The following TBCD variants were observed in gnomAD, a reference collection of about 807,000 sequenced individuals.
The protein encoded by TBCD is tubulin folding cofactor D.
Under a neutral mutation model 169.3 loss-of-function variants are expected in TBCD, and 105 were observed. That is an observed-to-expected ratio of 0.62 (90% CI 0.53 to 0.73). The LOEUF (loss-of-function observed/expected upper bound fraction) is 0.73, where lower values mean the gene tolerates loss of function less well. Among genes scored for constraint, TBCD ranks in the 30% least tolerant of loss-of-function variants. The probability of loss-of-function intolerance (pLI) is 0.00; values close to 1 mark genes in which losing one functional copy is unlikely to be tolerated. For synonymous variants in TBCD, 700 were observed against 643.9 expected (o/e 1.09, Z -1.32); for missense variants, 1,444 against 1,600.1 (o/e 0.90, Z 1.66).
At chr17:82,814,735 A>T (rs901722015) in intron 12 of TBCD, 105 bp from the exon 13 acceptor site, 16 of 1,079,840 alleles carry the variant, frequency 1.5e-5, no homozygotes, top group Non-Finnish European at 1.7e-5. Flanking sequence ...TGAGCCTTAC[A>T]GGCAGAGGAT....
intron 29 of TBCD, 60 bp from the exon 30 acceptor site, chr17:82,927,845 G>A: frequency 1.3e-6 from 2 of 1,499,264 alleles, no homozygotes; most frequent in Admixed American, 1.7e-5. Context: ...GTGGTGGGCA[G>A]AACCAGGGTT....
At chr17:82,819,322 G>C (rs2052207780) in intron 13 of TBCD, among the ~76,000 whole-genome samples, 1 of 152,090 alleles carries the variant, frequency 6.6e-6, no homozygotes, top group African/African-American at 2.4e-5. Flanking sequence ...CTGGACTCAG[G>C]AAAAAAGCAT....
intron 23 of TBCD, among the ~76,000 whole-genome samples, chr17:82,914,619 C>T (rs6502014): frequency 1.3e-5 from 2 of 152,192 alleles, no homozygotes; most frequent in Admixed American, 6.5e-5. Context: ...CCATGCTGCC[C>T]ACGCCCTCCC....
In TBCD at chr17:82,923,709, G is replaced by C. The variant is rs377517399; in HGVS notation, c.2236G>C (p.Gly746Arg). ...CAGTGAATATTACATGAAGGAGCCG[G>C]GGGAGGCAGATCCCGCAATTCAGGG... ...LCSEYYMKEPGEADPAIQEEL... is the reference protein window; with the variant it reads ...LCSEYYMKEPREADPAIQEEL... Residue 746 changes from glycine (G) to arginine (R), a missense_variant, in exon 26 of 39, where the codon GGG becomes CGG. Gly to Arg is a moderately radical substitution (Grantham distance 125). Transcript: ENST00000355528. This position sits in a 1 kb window ranked among gnomAD's most constrained non-coding sequence, Gnocchi z 4.6. 1 of 1,599,780 alleles carries C rather than the reference G, an allele frequency of 6.3e-7. No individual in the cohort carries two copies. The highest frequency in any genetic ancestry group is 1.3e-5 in the African/African-American group (1 of 74,810).
At chr17:82,885,617 A>T (rs2058664000) in intron 15 of TBCD, among the ~76,000 whole-genome samples, 1 of 152,164 alleles carries the variant, frequency 6.6e-6, no homozygotes, top group Non-Finnish European at 1.5e-5. Flanking sequence ...TTGAAATATA[A>T]TACAATTTTA....
chr17:82,941,389 C>T lies in TBCD; in HGVS notation c.3480-10C>T, dbSNP rs369875174. 3.8e-6 allele frequency: 6 copies of T among 1,581,876 alleles called. No individual in the cohort carries two copies. The African/African-American group carries it at 4.0e-5, about 11-fold the overall frequency. ...ACTCGAGAGACTCACGGCTCTCCCT[C>T]TCCTCACAGGGACGCGGAGCTTGCA... On this transcript the variant is annotated splice_polypyrimidine_tract_variant and intron_variant, in intron 37 of 38. Transcript: ENST00000355528.
At chr17:82,860,301 G>C in intron 13 of TBCD, 1 of 925,606 alleles carries the variant, frequency 1.1e-6, no homozygotes, top group Non-Finnish European at 1.3e-6. Flanking sequence ...CCTGCATGGC[G>C]GTCACGCTGC....
chr17:82,774,474 T>G (rs1457202196), intron 6 of TBCD, among the ~76,000 whole-genome samples: 2 of 152,224 alleles, frequency 1.3e-5, no homozygotes, highest in Non-Finnish European at 2.9e-5. Flanking sequence ...AGTAACAAAC[T>G]GATGTCTCTT....
intron 14 of TBCD, among the ~76,000 whole-genome samples, chr17:82,871,144 C>G (rs547355289): frequency 6.6e-6 from 1 of 151,020 alleles, no homozygotes; most frequent in East Asian, 2.0e-4. Context: ...GCCTCGGTGT[C>G]CAGTGCGCGC....
chr17:82,826,388 T>C (rs372820294), intron 13 of TBCD, among the ~76,000 whole-genome samples: 12 of 152,292 alleles, frequency 7.9e-5, no homozygotes, highest in Non-Finnish European at 1.6e-4. Context: ...AGCTGTTTAG[T>C]TTGAGTTATC....
chr17:82,870,351 G>A lies in TBCD; in HGVS notation c.1446G>A (p.Glu482=). ...WAFARAYEPQ[E]LKPFVTAISS... Reference sequence around the variant, plus strand: ...TCGCGCGTGCCTATGAGCCTCAGGAGCTGAAGCCCTTTGTGACTGCAATCT... The same window carrying A: ...TCGCGCGTGCCTATGAGCCTCAGGAACTGAAGCCCTTTGTGACTGCAATCT... Residue 482 remains glutamate, a synonymous_variant, in exon 14 of 39, where the codon GAG becomes GAA. Transcript: ENST00000355528. The A allele has an allele frequency of 1.2e-6, 2 of 1,613,306 alleles. No individual in the cohort carries two copies. The highest frequency in any genetic ancestry group is 1.7e-6 in the Non-Finnish European group (2 of 1,179,820).
chr17:82,902,985 A>T (rs2059990525), intron 18 of TBCD, among the ~76,000 whole-genome samples: 3 of 152,166 alleles, frequency 2.0e-5, no homozygotes, highest in African/African-American at 7.2e-5. Context: ...TGTGTGTCTG[A>T]TGAGGCAGTT....
At chr17:82,906,807 A>G (rs1420552181) in intron 20 of TBCD, among the ~76,000 whole-genome samples, 2 of 152,234 alleles carry the variant, frequency 1.3e-5, no homozygotes, top group Non-Finnish European at 2.9e-5. Context: ...TCAGATGCAG[A>G]GTGCAGCTCC....
At chr17:82,855,235 CTTT>C (rs58346723) in intron 13 of TBCD, among the ~76,000 whole-genome samples, 15 of 54,026 alleles carry the variant, frequency 2.8e-4, no homozygotes, top group African/African-American at 9.8e-4. Flanking sequence ...AAGGTGTTTG[CTTT>C]TTTTTTTTTT....
At chr17:82,795,682 C>G (rs2050050017) in intron 7 of TBCD, 1 of 863,198 alleles carries the variant, frequency 1.2e-6, no homozygotes, top group Non-Finnish European at 1.4e-6. Context: ...GACAGCCGCA[C>G]TCTTGCGTGG....
intron 22 of TBCD, among the ~76,000 whole-genome samples, chr17:82,911,248 G>C (rs2060619835): frequency 6.6e-6 from 1 of 152,174 alleles, no homozygotes; most frequent in African/African-American, 2.4e-5. Context: ...CCAGAAACCA[G>C]GGTCTCAGGA....
chr17:82,924,142 C>T (rs1025202200), intron 26 of TBCD, among the ~76,000 whole-genome samples: 3 of 152,090 alleles, frequency 2.0e-5, no homozygotes, highest in Admixed American at 6.5e-5. Flanking sequence ...TTAGTAGAGA[C>T]GGGGTTTTAC....
chr17:82,940,213 G>A (rs1177649699), intron 37 of TBCD, among the ~76,000 whole-genome samples: 35 of 34,380 alleles, frequency 1.0e-3, no homozygotes, highest in Non-Finnish European at 1.2e-3. Flanking sequence ...ATGCTCACTT[G>A]CACGCGCGCA....
At chr17:82,911,673 C>T (rs2060652508) in intron 22 of TBCD, 85 bp from the exon 23 acceptor site, 12 of 1,326,138 alleles carry the variant, frequency 9.0e-6, no homozygotes, top group South Asian at 8.6e-5. Context: ...CTTTTTGGAG[C>T]CTGAGGTTAC....
Sources: gnomAD v4.1 joint callset for allele counts (sites outside exome capture counted in the v4.1 genomes callset) on GRCh38, gnomAD v4.1.1 for gene constraint, Gnocchi (gnomAD v3.1) non-coding constraint, MANE v1.5 for transcripts, NCBI Gene and HGNC (gene_info 2026-07-23, HGNC 2026-07-21) for gene names.